Variants in TRAP1 observed in about 807,000 individuals in gnomAD.
The protein encoded by TRAP1 is heat shock protein 75 kDa, mitochondrial.
In TRAP1, 102 loss-of-function variants were observed where a neutral mutation model predicts 89.1. That is an observed-to-expected ratio of 1.15 (90% CI 0.98 to 1.35). The LOEUF is 1.35. Among genes scored for constraint, TRAP1 ranks in the 40% most tolerant of loss-of-function variants. TRAP1 has a pLI of 0.00. For synonymous variants in TRAP1, 508 were observed against 388.0 expected (o/e 1.31, Z -3.64); for missense variants, 1,256 against 945.3 (o/e 1.33, Z -4.31).
intron 15 of TRAP1, 147 bp from the exon 16 acceptor site, chr16:3,662,279 A>G: frequency 1.1e-6 from 1 of 942,954 alleles, no homozygotes; most frequent in African/African-American, 1.7e-5. Flanking sequence ...CTCCCTCCCC[A>G]TTACCCACTA....
rs139397817 is a variant in TRAP1, at chr16:3,677,551, G to A, written c.651C>T (p.Val217=). Residue 217 remains valine (V), a synonymous_variant, in exon 6 of 18, where the codon GTC becomes GTT. Transcript: ENST00000246957. ...TCCCCGGGGCTGCCGAGCGGGAATAGACCTCCACTCTGTCAGCCACCATGA... is the reference window on the plus strand; with the variant it reads ...TCCCCGGGGCTGCCGAGCGGGAATAAACCTCCACTCTGTCAGCCACCATGA... ...SAFMVADRVE[V]YSRSAAPGSL... 1 of 1,614,188 alleles carries A rather than the reference G, an allele frequency of 6.2e-7. No homozygotes were observed. The highest frequency in any genetic ancestry group is 8.5e-7 in the Non-Finnish European group (1 of 1,180,032).
intron 13 of TRAP1, 66 bp downstream of exon 13, chr16:3,664,208 C>G (rs1423034175): frequency 6.9e-7 from 1 of 1,451,424 alleles, no homozygotes; most frequent in Non-Finnish European, 9.1e-7. Flanking sequence ...CAGCACAGAG[C>G]TGAGAAGGTC....
intron 1 of TRAP1, among the ~76,000 whole-genome samples, chr16:3,715,976 C>T (rs1287513482): frequency 2.0e-5 from 3 of 152,136 alleles, no homozygotes; most frequent in African/African-American, 7.2e-5. Flanking sequence ...GATTCTCCTG[C>T]CTCAGCCTCC....
At position 3,677,658 on chromosome 16, in the gene TRAP1, C is replaced by A. The variant is rs765050246; in HGVS notation, c.544G>T (p.Ala182Ser). The A allele has an allele frequency of 2.5e-6, 4 of 1,612,980 alleles. No homozygotes were observed. In the East Asian group the frequency reaches 8.9e-5, roughly 36 times the overall value. Residue 182 changes from alanine (A) to serine (S), a missense_variant and splice_region_variant, in exon 6 of 18, where the codon GCC (alanine) becomes TCC (serine). Physicochemically the swap from Ala to Ser is moderately conservative, Grantham distance 99. Transcript: ENST00000246957. ...TGGTTCTGCAGAGCATCCAGGAAGG[C>A]CTGTGGGGCAGAGGCCAGTTAGTGA... ...LGTIARSGSKAFLDALQNQAE... is the reference protein window; with the variant it reads ...LGTIARSGSKSFLDALQNQAE...
At chr16:3,708,186 A>C (rs2051476977) in intron 1 of TRAP1, among the ~76,000 whole-genome samples, 1 of 151,992 alleles carries the variant, frequency 6.6e-6, no homozygotes, top group Admixed American at 6.6e-5. Context: ...TGACAAAGCA[A>C]GACCCTGCCT....
chr16:3,707,578 G>T (rs965442668), intron 1 of TRAP1, among the ~76,000 whole-genome samples: 13 of 151,836 alleles, frequency 8.6e-5, no homozygotes, highest in Admixed American at 6.6e-5. Flanking sequence ...AAACACCCGG[G>T]TGAGGTGGCT....
At chr16:3,672,399 C>G (rs1431460569) in intron 10 of TRAP1, among the ~76,000 whole-genome samples, 1 of 152,190 alleles carries the variant, frequency 6.6e-6, no homozygotes, top group East Asian at 1.9e-4. Flanking sequence ...TGAAGTCTTT[C>G]TTAAACTATA....
intron 12 of TRAP1, chr16:3,664,868 CAG>C (rs2050792798): frequency 5.6e-6 from 1 of 178,604 alleles, no homozygotes; most frequent in Non-Finnish European, 1.2e-5. Context: ...CTGGCTATGG[CAG>C]AGACTGGCTT....
rs763787167 is a variant in TRAP1 at position 3,662,887 on chromosome 16, C to T, written c.1789G>A (p.Val597Met). ...RNVLGSRVTN[V>M]KVTLRLDTHP... ...CATCCCCGGGAAAGCCTCACCTTCA[C>T]GTTGGTGACACGCGACCCCAGCACA... Residue 597 changes from valine to methionine, a missense_variant, in exon 15 of 18, where the codon GTG becomes ATG. Transcript: ENST00000246957. The T allele has an allele frequency of 6.8e-6, 11 of 1,613,600 alleles. No individual in the cohort carries two copies. The highest frequency in any genetic ancestry group is 6.7e-5 in the Admixed American group (4 of 60,028).
intron 12 of TRAP1, chr16:3,665,543 G>C (rs2050811777): frequency 5.9e-6 from 1 of 168,954 alleles, no homozygotes; most frequent in Non-Finnish European, 1.3e-5. Flanking sequence ...ATAGTATTTG[G>C]AGACTGATAT....
intron 1 of TRAP1, among the ~76,000 whole-genome samples, chr16:3,706,303 C>CTCAT (rs905672036): frequency 2.9e-4 from 44 of 151,892 alleles, no homozygotes; most frequent in African/African-American, 9.9e-4. Context: ...GGGTGGGGGT[C>CTCAT]TCACTATGTT....
In TRAP1 at chr16:3,674,512, C is replaced by T. The variant is rs753578074; in HGVS notation, c.889-18G>A. 11 of 1,612,072 alleles carry T rather than the reference C, an allele frequency of 6.8e-6. No individual in the cohort carries two copies. The highest frequency in any genetic ancestry group is 1.7e-5 in the Admixed American group (1 of 59,874). ...CAGATGGCCTGGAAACGGAGATCGG[C>T]GGGGAGGGCGTCGTGTTCACCACGC... is the stretch of plus-strand genomic sequence containing the variant. On this transcript the variant is annotated intron_variant, in intron 8 of 17. Transcript: ENST00000246957.
chr16:3,663,399 C>A (rs548051450), intron 14 of TRAP1, 25 bp downstream of exon 14: 7 of 1,613,530 alleles, frequency 4.3e-6, no homozygotes, highest in Admixed American at 1.7e-5. Context: ...ACCAGCCCCA[C>A]GCCTAGAGAG....
chr16:3,715,653 TAACAG>T (rs1265520018), intron 1 of TRAP1, among the ~76,000 whole-genome samples: 2 of 151,244 alleles, frequency 1.3e-5, no homozygotes, highest in East Asian at 3.9e-4. Context: ...AGAACCAAAT[TAACAG>T]AACAGTTGGC....
At chr16:3,706,036 G>A (rs1288389334) in intron 1 of TRAP1, among the ~76,000 whole-genome samples, 1 of 149,768 alleles carries the variant, frequency 6.7e-6, no homozygotes, top group Non-Finnish European at 1.5e-5. Context: ...TCACTCTGCA[G>A]TGGTGTAATC....
chr16:3,685,807 T>C (rs1337818833), intron 4 of TRAP1, among the ~76,000 whole-genome samples, 189 bp downstream of exon 4: 1 of 152,206 alleles, frequency 6.6e-6, no homozygotes, highest in Non-Finnish European at 1.5e-5. Context: ...TTTCTTCTTT[T>C]CTGCTTACCT....
chr16:3,715,018 T>C (rs972535664), intron 1 of TRAP1, among the ~76,000 whole-genome samples: 6 of 152,166 alleles, frequency 3.9e-5, no homozygotes, highest in Non-Finnish European at 8.8e-5. Flanking sequence ...CAGGTGACAA[T>C]GACAAGGGCA....
intron 1 of TRAP1, among the ~76,000 whole-genome samples, chr16:3,692,188 G>T (rs2051223545): frequency 2.0e-5 from 3 of 152,152 alleles, no homozygotes; most frequent in Admixed American, 2.0e-4. Flanking sequence ...TCACAAATTT[G>T]TAACAAGTAG....
chr16:3,679,192 G>T (rs954108826), intron 5 of TRAP1, among the ~76,000 whole-genome samples: 6 of 152,250 alleles, frequency 3.9e-5, no homozygotes, highest in African/African-American at 1.4e-4. Flanking sequence ...TTGGGAGGCT[G>T]AGGCAGGAGA....
Sources: gnomAD v4.1 joint callset for allele counts (sites outside exome capture counted in the v4.1 genomes callset) on GRCh38, gnomAD v4.1.1 for gene constraint, MANE v1.5 for transcripts, NCBI Gene and HGNC (gene_info 2026-07-23, HGNC 2026-07-21) for gene names.